PTK7: variants seen among roughly 807,000 people sequenced by gnomAD.
PTK7 encodes the protein protein tyrosine kinase 7 (inactive).
Under a neutral mutation model 116.6 loss-of-function variants are expected in PTK7, and 39 were observed. The ratio of observed to expected loss-of-function variants is 0.33; its 90% CI spans 0.26 to 0.44. The LOEUF is 0.44. Ranked by LOEUF, PTK7 falls within the 20% of genes least tolerant of loss-of-function variation. PTK7 has a pLI of 1.00. For synonymous variants in PTK7, 546 were observed against 563.6 expected, an observed-to-expected ratio of 0.97 and a Z score of 0.44; for missense variants, 1,169 against 1,425.6, an observed-to-expected ratio of 0.82 and a Z score of 2.90.
At position 43,146,835 on chromosome 6, in the gene PTK7, C is replaced by T. The variant is rs369473249; in HGVS notation, c.2721+137C>T. 826 of 727,486 alleles carry T rather than the reference C, an allele frequency of 1.1e-3. 11 individuals carry two copies. In the South Asian group the frequency reaches 0.013, roughly 12 times the overall value. The allele number at this position is 727,486 out of a possible 1,614,324, so 45.1% of individuals were successfully genotyped here. On this transcript the variant is annotated intron_variant, in intron 17 of 19. Transcript: ENST00000230419. Reference sequence around the variant, plus strand: ...TTCACATGTGTTACTGTAATTATCACGGTAGTCGTCTGAAATATATACTAC... The same window carrying T: ...TTCACATGTGTTACTGTAATTATCATGGTAGTCGTCTGAAATATATACTAC...
At chr6:43,113,181 C>T (rs991834498) in intron 1 of PTK7, among the ~76,000 whole-genome samples, 2 of 152,124 alleles carry the variant, frequency 1.3e-5, no homozygotes, top group African/African-American at 4.8e-5. Context: ...CCTGTAATCC[C>T]AGCACTTGGG....
At chr6:43,135,800 G>A (rs1003519978) in intron 7 of PTK7, among the ~76,000 whole-genome samples, 8 of 152,232 alleles carry the variant, frequency 5.3e-5, no homozygotes, top group African/African-American at 1.4e-4. Context: ...ACTTCAAAAC[G>A]TGGTGGCACT....
At chr6:43,116,397 G>T (rs1170756846) in intron 1 of PTK7, among the ~76,000 whole-genome samples, 1 of 152,132 alleles carries the variant, frequency 6.6e-6, no homozygotes, top group Admixed American at 6.5e-5. Flanking sequence ...GCCCTGGGCG[G>T]CTCGTGCTTT....
intron 17 of PTK7, among the ~76,000 whole-genome samples, chr6:43,157,355 TATATATA>T (rs1395818198): frequency 0.076 from 694 of 9,080 alleles, 95 homozygotes; most frequent in East Asian, 0.16. Flanking sequence ...TATATATATA[TATATATA>T]TATTTTTTTT....
chr6:43,085,950 A>C (rs913818615), intron 1 of PTK7, among the ~76,000 whole-genome samples: 2 of 150,706 alleles, frequency 1.3e-5, no homozygotes, highest in East Asian at 2.0e-4. Context: ...AAAAAAAAAA[A>C]AAAACATGGC....
At chr6:43,108,290 T>C (rs1322723118) in intron 1 of PTK7, among the ~76,000 whole-genome samples, 1 of 151,070 alleles carries the variant, frequency 6.6e-6, no homozygotes, top group Non-Finnish European at 1.5e-5. Flanking sequence ...AGACGGGGTT[T>C]CCCCATGCTG....
chr6:43,097,866 T>C (rs750333289), intron 1 of PTK7, among the ~76,000 whole-genome samples: 9 of 152,192 alleles, frequency 5.9e-5, no homozygotes, highest in Non-Finnish European at 1.3e-4. Flanking sequence ...TCAGGTATGT[T>C]CTTTTTGTTG....
At chr6:43,098,686 T>C (rs1767390247) in intron 1 of PTK7, among the ~76,000 whole-genome samples, 1 of 152,202 alleles carries the variant, frequency 6.6e-6, no homozygotes, top group African/African-American at 2.4e-5. Context: ...TAGTAAACGG[T>C]ATGCTACTAG....
intron 1 of PTK7, among the ~76,000 whole-genome samples, chr6:43,110,412 GT>G (rs1768134823): frequency 8.2e-6 from 1 of 121,454 alleles, no homozygotes; most frequent in African/African-American, 3.8e-5. Context: ...TTGCTGTTTT[GT>G]TTTTGTTTTT....
At chr6:43,135,252 G>A (rs749939345) in intron 7 of PTK7, among the ~76,000 whole-genome samples, 5 of 152,152 alleles carry the variant, frequency 3.3e-5, no homozygotes, top group Non-Finnish European at 5.9e-5. Flanking sequence ...ATCAGGTGCT[G>A]GGTGTTAGAG....
intron 15 of PTK7, chr6:43,144,847 G>A: frequency 2.3e-6 from 1 of 428,636 alleles, no homozygotes; most frequent in Non-Finnish European, 4.0e-6. Flanking sequence ...TATTTAAATT[G>A]ACTCTTTAAA....
chr6:43,127,700 C>T (rs969398663), intron 1 of PTK7, among the ~76,000 whole-genome samples: 5 of 152,074 alleles, frequency 3.3e-5, no homozygotes, highest in Non-Finnish European at 5.9e-5. Flanking sequence ...GAGGCCGAGG[C>T]GGGCGGATCA....
chr6:43,145,370 C>T lies in PTK7; in HGVS notation c.2578C>T (p.Arg860Trp), dbSNP rs1300765660. 1.2e-6 allele frequency: 2 copies of T among 1,610,744 alleles called. No individual in the cohort carries two copies. Among genetic ancestry groups the T allele is most frequent in the African/African-American group, 1.3e-5 (1 of 74,276 alleles). The change falls in exon 16 of 20, where the codon CGG (arginine) becomes TGG (tryptophan). Residue 860 changes from arginine to tryptophan, a missense_variant. By Grantham distance (101) the Arg-to-Trp change is moderately radical. Around this residue, in one of 3 missense-constraint regions of PTK7, gnomAD observed 678 missense variants for 853.8 expected, o/e 0.79. Transcript: ENST00000230419. The surrounding 1 kb of genome is among the most constrained non-coding windows in gnomAD (Gnocchi z 4.8). ...GAAGCTGAACCACGCCAACGTGGTG[C>T]GGCTCCTGGGGCTGTGCCGGGAGGC... is the stretch of plus-strand genomic sequence containing the variant. ...FGKLNHANVV[R>W]LLGLCREAEP...
intron 17 of PTK7, among the ~76,000 whole-genome samples, chr6:43,158,112 C>T (rs1363397626): frequency 6.6e-6 from 1 of 151,998 alleles, no homozygotes; most frequent in Non-Finnish European, 1.5e-5. Context: ...TCCTGGCTAA[C>T]ATGGTGAAAC....
At position 43,129,334 on chromosome 6, in the gene PTK7, C is replaced by T. The variant is rs1279369035; in HGVS notation, c.367+70C>T. On this transcript the variant is annotated intron_variant, in intron 2 of 19. Transcript: ENST00000230419. The surrounding 1 kb of genome is among the most constrained non-coding windows in gnomAD (Gnocchi z 4.5). ...AATGACTGAGGCCTGGGGGATCCCT[C>T]CCTTACCTCAGCTTCTCCCATTTCC... is the stretch of plus-strand genomic sequence containing the variant. The T allele has an allele frequency of 6.4e-7, 1 of 1,551,476 alleles. No individual in the cohort carries two copies. Among genetic ancestry groups the T allele is most frequent in the South Asian group, 1.2e-5 (1 of 86,554 alleles).
Position 43,129,396 on chromosome 6 carries a change from C to CT in PTK7, c.367+139dup. 1 of 1,218,558 alleles carries CT rather than the reference C, an allele frequency of 8.2e-7. No individual in the cohort carries two copies. The highest frequency in any genetic ancestry group is 1.1e-6 in the Non-Finnish European group (1 of 883,144). 75.5% of individuals were successfully genotyped at this position (1,218,558 alleles called of 1,614,324 possible). On this transcript the variant is annotated intron_variant, in intron 2 of 19. Coordinates refer to ENST00000230419, the MANE Select transcript of PTK7 (RefSeq NM_002821.5). This position sits in a 1 kb window ranked among gnomAD's most constrained non-coding sequence, Gnocchi z 4.5. ...CCAGGCAGAATGCATTTATCATCAGCTTTTTTTGCTCATGTGGATAAGAGG... is the reference window on the plus strand; with the variant it reads ...CCAGGCAGAATGCATTTATCATCAGCTTTTTTTTGCTCATGTGGATAAGAGG...
chr6:43,128,383 G>T (rs1350015726), intron 1 of PTK7, among the ~76,000 whole-genome samples: 1 of 152,142 alleles, frequency 6.6e-6, no homozygotes, highest in Non-Finnish European at 1.5e-5. Context: ...CATTCATTTG[G>T]CATTTATGTG....
intron 1 of PTK7, among the ~76,000 whole-genome samples, chr6:43,089,063 G>A (rs1276493553): frequency 1.3e-5 from 2 of 152,168 alleles, no homozygotes; most frequent in African/African-American, 2.4e-5. Flanking sequence ...CCTCATAGTA[G>A]GGGCCTAATG....
At chr6:43,106,168 T>G in intron 1 of PTK7, among the ~76,000 whole-genome samples, 1 of 151,740 alleles carries the variant, frequency 6.6e-6, no homozygotes, top group East Asian at 1.9e-4. Flanking sequence ...CAAAGTGGAG[T>G]TCTAATGGCC....
Sources: gnomAD v4.1 joint callset for allele counts (sites outside exome capture counted in the v4.1 genomes callset) on GRCh38, gnomAD v4.1.1 for gene constraint, gnomAD v4.1.1 regional missense constraint, Gnocchi (gnomAD v3.1) non-coding constraint, MANE v1.5 for transcripts, NCBI Gene and HGNC (gene_info 2026-07-23, HGNC 2026-07-21) for gene names.